The following RPL39L variants were observed in gnomAD, a reference collection of about 807,000 sequenced individuals.
RPL39L encodes ribosomal protein eL39-like 2.
For synonymous variants in RPL39L, 16 were observed against 20.1 expected (o/e 0.80, Z 0.55); for missense variants, 48 against 58.9 (o/e 0.81, Z 0.61).
At chr3:187,133,622 C>T (rs1393831944) in intron 1 of RPL39L, among the ~76,000 whole-genome samples, 1 of 151,994 alleles carries the variant, frequency 6.6e-6, no homozygotes, top group Non-Finnish European at 1.5e-5. Context: ...ACCAGGATGA[C>T]CAAGTCTTCT....
intron 1 of RPL39L, among the ~76,000 whole-genome samples, chr3:187,135,359 G>A (rs1378722984): frequency 6.6e-6 from 1 of 152,176 alleles, no homozygotes; most frequent in Non-Finnish European, 1.5e-5. Context: ...AACCCAGTGG[G>A]AGGTGATTGA....
intron 1 of RPL39L, among the ~76,000 whole-genome samples, chr3:187,136,670 G>A (rs1720585680): frequency 2.0e-5 from 3 of 152,096 alleles, no homozygotes; most frequent in Non-Finnish European, 4.4e-5. Context: ...TGGTGGGGAA[G>A]GCAGTTTTTC....
At chr3:187,134,570 G>A (rs931413937) in intron 1 of RPL39L, among the ~76,000 whole-genome samples, 2 of 151,300 alleles carry the variant, frequency 1.3e-5, no homozygotes, top group Non-Finnish European at 2.9e-5. Flanking sequence ...GACATTAAAT[G>A]GATAGAATAA....
chr3:187,138,219 A>G (rs1051751353), intron 1 of RPL39L, among the ~76,000 whole-genome samples: 2 of 152,206 alleles, frequency 1.3e-5, no homozygotes, highest in African/African-American at 4.8e-5. Context: ...TGCAAAATGA[A>G]AATGTTGTGG....
intron 1 of RPL39L, among the ~76,000 whole-genome samples, chr3:187,131,254 C>T (rs975322213): frequency 2.0e-5 from 3 of 151,846 alleles, no homozygotes; most frequent in South Asian, 2.1e-4. Flanking sequence ...GAGGCAGGCA[C>T]ATCACCTGCC....
At chr3:187,129,086 T>C (rs1720445228) in intron 1 of RPL39L, among the ~76,000 whole-genome samples, 1 of 152,230 alleles carries the variant, frequency 6.6e-6, no homozygotes, top group South Asian at 2.1e-4. Context: ...ACAGTGATGA[T>C]AGCTTAGCAA....
chr3:187,129,843 CT>C (rs59449021), intron 1 of RPL39L, among the ~76,000 whole-genome samples: 1,484 of 143,298 alleles, frequency 0.01, 19 homozygotes, highest in East Asian at 0.057. Context: ...CCCCTCCACC[CT>C]TTTTTTTTTT....
chr3:187,124,208 CTAAGT>C (rs1272854448), intron 2 of RPL39L, among the ~76,000 whole-genome samples: 6 of 152,134 alleles, frequency 3.9e-5, no homozygotes, highest in African/African-American at 1.4e-4. Context: ...TGGCTATATG[CTAAGT>C]TATCTAATTA....
At chr3:187,136,417 A>C (rs945369867) in intron 1 of RPL39L, among the ~76,000 whole-genome samples, 4 of 152,216 alleles carry the variant, frequency 2.6e-5, no homozygotes, top group Non-Finnish European at 5.9e-5. Flanking sequence ...TCAAACAGCC[A>C]AAGCAGTAGA....
chr3:187,123,538 T>C (rs2108467083), intron 2 of RPL39L, among the ~76,000 whole-genome samples: 1 of 152,312 alleles, frequency 6.6e-6, no homozygotes, highest in African/African-American at 2.4e-5. Context: ...CTACCCTTTG[T>C]ATATTAATTC....
At chr3:187,122,308 T>C (rs1720323719) in intron 2 of RPL39L, among the ~76,000 whole-genome samples, 1 of 152,118 alleles carries the variant, frequency 6.6e-6, no homozygotes, top group Admixed American at 6.5e-5. Flanking sequence ...ATTGTGAGAG[T>C]AATTACATGA....
chr3:187,133,901 C>A (rs1720527717), intron 1 of RPL39L, among the ~76,000 whole-genome samples: 1 of 152,128 alleles, frequency 6.6e-6, no homozygotes, highest in Admixed American at 6.5e-5. Context: ...ACATTACTGA[C>A]CTAGCAGAAA....
chr3:187,122,940 A>T (rs1483109198), intron 2 of RPL39L, among the ~76,000 whole-genome samples: 2 of 152,246 alleles, frequency 1.3e-5, no homozygotes, highest in African/African-American at 4.8e-5. Context: ...AGGAAAATTT[A>T]AAAAAGAGAA....
At chr3:187,137,514 A>G (rs1720600849) in intron 1 of RPL39L, among the ~76,000 whole-genome samples, 1 of 152,010 alleles carries the variant, frequency 6.6e-6, no homozygotes, top group Admixed American at 6.5e-5. Flanking sequence ...CGTCTTCAAA[A>G]AAGAAAAAGA....
intron 1 of RPL39L, among the ~76,000 whole-genome samples, chr3:187,135,975 C>G (rs1720572671): frequency 6.6e-6 from 1 of 152,214 alleles, no homozygotes; most frequent in South Asian, 2.1e-4. Flanking sequence ...ACTAAGAACT[C>G]TTTCCATGGA....
chr3:187,130,462 T>C (rs1239698311), intron 1 of RPL39L, among the ~76,000 whole-genome samples: 1 of 151,982 alleles, frequency 6.6e-6, no homozygotes, highest in African/African-American at 2.4e-5. Flanking sequence ...TGACAGTGAG[T>C]TCTTGTGAGT....
rs1030793682 is a variant in RPL39L, at chr3:187,139,430, G to A, written c.-310C>T. 3 of 152,218 alleles carry A rather than the reference G, an allele frequency of 2.0e-5. No homozygotes were observed. Among genetic ancestry groups the A allele is most frequent in the African/African-American group, 7.2e-5 (3 of 41,462 alleles). The allele number at this position is 152,218 out of a possible 1,614,324, so 9.4% of individuals were successfully genotyped here. On this transcript the variant is annotated 5_prime_UTR_variant, in exon 1 of 3. Coordinates refer to ENST00000296277, the MANE Select transcript of RPL39L (RefSeq NM_052969.3). Reference sequence around the variant, plus strand: ...CTCCGAGACGCCTCGCCCCCACCTGGCGTTCGGAGGCGGTTGCCTCGCTGG... The same window carrying A: ...CTCCGAGACGCCTCGCCCCCACCTGACGTTCGGAGGCGGTTGCCTCGCTGG...
Position 187,139,240 on chromosome 3 carries a change from A to C in RPL39L, c.-120T>G, listed in dbSNP as rs911666528. ...GCGCCCTGGCCTCTGCTTTTTTCCCACTCTAGGACGCAAATCTCGATCTGC... is the reference window on the plus strand; with the variant it reads ...GCGCCCTGGCCTCTGCTTTTTTCCCCCTCTAGGACGCAAATCTCGATCTGC... On this transcript the variant is annotated 5_prime_UTR_variant, in exon 1 of 3. Transcript: ENST00000296277. The C allele has an allele frequency of 6.6e-6, 1 of 151,200 alleles. No homozygotes were observed. Among genetic ancestry groups the C allele is most frequent in the African/African-American group, 2.4e-5 (1 of 41,044 alleles). The allele number at this position is 151,200 out of a possible 1,614,324, so 9.4% of individuals were successfully genotyped here.
chr3:187,127,711 G>A (rs1720422368), intron 2 of RPL39L, among the ~76,000 whole-genome samples: 1 of 152,120 alleles, frequency 6.6e-6, no homozygotes, highest in South Asian at 2.1e-4. Flanking sequence ...AAATGTAAAA[G>A]TTTGTGAAGT....
Sources: allele counts gnomAD v4.1 joint callset (sites outside exome capture counted in the v4.1 genomes callset), GRCh38; gene constraint gnomAD v4.1.1; transcripts MANE v1.5; gene names NCBI Gene and HGNC (gene_info 2026-07-23, HGNC 2026-07-21).